KCNH7: variants seen among roughly 807,000 people sequenced by gnomAD.
The protein encoded by KCNH7 is voltage-gated inwardly rectifying potassium channel KCNH7.
In KCNH7, 49 loss-of-function variants were observed where a neutral mutation model predicts 120.8. The observed-to-expected ratio is 0.41, with a 90% confidence interval of 0.32 to 0.51. KCNH7 has a LOEUF of 0.51. Ranked by LOEUF, KCNH7 falls within the 20% of genes least tolerant of loss-of-function variation. KCNH7 has a pLI of 0.38. For missense variants in KCNH7, 1,097 were observed against 1,446.6 expected, an observed-to-expected ratio of 0.76 and a Z score of 3.92; for synonymous variants, 547 against 516.1, an observed-to-expected ratio of 1.06 and a Z score of -0.81.
At chr2:162,403,987 G>T (rs1687136202) in intron 9 of KCNH7, among the ~76,000 whole-genome samples, 1 of 151,924 alleles carries the variant, frequency 6.6e-6, no homozygotes, top group African/African-American at 2.4e-5. Flanking sequence ...ATTGGCCTCA[G>T]CTATATTGCC....
At position 162,518,510 on chromosome 2, in the gene KCNH7, A is replaced by G. The variant is rs77483474; in HGVS notation, c.464-352T>C. ...GAAGGATGAACAGAGTTTTAAGAATATATGATCTAAGGCATCATAAGTCCA... is the reference window on the plus strand; with the variant it reads ...GAAGGATGAACAGAGTTTTAAGAATGTATGATCTAAGGCATCATAAGTCCA... On this transcript the variant is annotated intron_variant, in intron 3 of 15. Transcript: ENST00000332142. Among the ~76,000 whole-genome samples, 495 of 151,962 alleles carry G rather than the reference A, an allele frequency of 3.3e-3. 4 individuals are homozygous for G. The highest frequency in any genetic ancestry group is 0.011 in the African/African-American group (458 of 41,532).
intron 2 of KCNH7, among the ~76,000 whole-genome samples, chr2:162,539,741 C>A (rs1197140628): frequency 6.6e-6 from 1 of 151,974 alleles, no homozygotes; most frequent in African/African-American, 2.4e-5. Context: ...TTCTATTAAG[C>A]AATATATTTC....
chr2:162,410,745 C>T (rs114799607), intron 9 of KCNH7, among the ~76,000 whole-genome samples: 1,691 of 151,792 alleles, frequency 0.011, 17 homozygotes, highest in South Asian at 0.022. Flanking sequence ...CTTAAGCAAA[C>T]CAACAAGCAA....
intron 2 of KCNH7, among the ~76,000 whole-genome samples, chr2:162,569,801 CA>C (rs943780229): frequency 6.8e-6 from 1 of 146,580 alleles, no homozygotes; most frequent in African/African-American, 2.6e-5. Context: ...AGTAGTCATT[CA>C]GGAGCAGGTT....
intron 2 of KCNH7, among the ~76,000 whole-genome samples, chr2:162,727,743 G>A (rs1008499518): frequency 6.6e-6 from 1 of 151,966 alleles, no homozygotes; most frequent in Admixed American, 6.5e-5. Context: ...TGAACACTTG[G>A]GCTGTTTCCA....
In KCNH7 at chr2:162,591,986, C is replaced by T. The variant is rs549677420; in HGVS notation, c.308-54906G>A. ...TAGACTTTAAATGTTGAAGTAATCA[C>T]GAAAGTCTCATGCAGAATGGATGGA... is the stretch of plus-strand genomic sequence containing the variant. On this transcript the variant is annotated intron_variant, in intron 2 of 15. Coordinates refer to ENST00000332142, the MANE Select transcript of KCNH7 (RefSeq NM_033272.4). Among the ~76,000 whole-genome samples the T allele has an allele frequency of 5.9e-5, 9 of 152,126 alleles. No homozygotes were observed. The East Asian group carries it at 9.7e-4, about 16-fold the overall frequency.
chr2:162,690,027 A>G (rs1574270050), intron 2 of KCNH7, among the ~76,000 whole-genome samples: 1 of 152,216 alleles, frequency 6.6e-6, no homozygotes, highest in Non-Finnish European at 1.5e-5. Context: ...GTACATATAC[A>G]CCATGGAATA....
At chr2:162,683,282 A>C (rs1006746088) in intron 2 of KCNH7, among the ~76,000 whole-genome samples, 3 of 151,944 alleles carry the variant, frequency 2.0e-5, no homozygotes, top group Non-Finnish European at 1.5e-5. Flanking sequence ...TCAGTAACAA[A>C]GCACAGAATT....
At chr2:162,528,565 A>G (rs1271778939) in intron 3 of KCNH7, among the ~76,000 whole-genome samples, 3 of 151,998 alleles carry the variant, frequency 2.0e-5, no homozygotes, top group Admixed American at 6.6e-5. Flanking sequence ...AGGAACCCGC[A>G]CTAAAATATG....
chr2:162,532,378 G>A (rs183100625), intron 3 of KCNH7, among the ~76,000 whole-genome samples: 1 of 151,978 alleles, frequency 6.6e-6, no homozygotes, highest in East Asian at 2.0e-4. Flanking sequence ...CCAGTTCCTG[G>A]AGAGACAATA....
At chr2:162,725,254 T>G (rs1266986276) in intron 2 of KCNH7, among the ~76,000 whole-genome samples, 4 of 152,178 alleles carry the variant, frequency 2.6e-5, no homozygotes, top group Non-Finnish European at 5.9e-5. Context: ...TTGTAACTGT[T>G]TAATAAACAG....
At chr2:162,589,289 C>T (rs6717719) in intron 2 of KCNH7, among the ~76,000 whole-genome samples, 6,612 of 151,988 alleles carry the variant, frequency 0.044, 290 homozygotes, top group East Asian at 0.11. Context: ...TGAACAAAAC[C>T]CCACTTCTGT....
intron 2 of KCNH7, among the ~76,000 whole-genome samples, chr2:162,578,499 C>A (rs926586999): frequency 6.6e-6 from 1 of 151,872 alleles, no homozygotes; most frequent in Non-Finnish European, 1.5e-5. Context: ...GCTTTGGGCT[C>A]ACTGTTCTAT....
chr2:162,743,698 C>A (rs1043532719), intron 2 of KCNH7, among the ~76,000 whole-genome samples: 3 of 151,978 alleles, frequency 2.0e-5, no homozygotes, highest in African/African-American at 7.2e-5. Flanking sequence ...AAATTGTCAA[C>A]AATGACAACA....
At chr2:162,456,129 A>ATGT (rs1356204689) in intron 6 of KCNH7, among the ~76,000 whole-genome samples, 1 of 151,986 alleles carries the variant, frequency 6.6e-6, no homozygotes, top group Non-Finnish European at 1.5e-5. Context: ...AGATTCTGGT[A>ATGT]TGTTGTCTCT....
At chr2:162,771,473 A>G (rs1271859205) in intron 2 of KCNH7, among the ~76,000 whole-genome samples, 10 of 152,078 alleles carry the variant, frequency 6.6e-5, no homozygotes, top group African/African-American at 2.4e-5. Context: ...CTCCATGTTA[A>G]GGTACACCTG....
chr2:162,621,080 C>T (rs1380005358), intron 2 of KCNH7, among the ~76,000 whole-genome samples: 1 of 151,886 alleles, frequency 6.6e-6, no homozygotes, highest in African/African-American at 2.4e-5. Flanking sequence ...TCATTTCACA[C>T]CTTCTTATGG....
chr2:162,766,418 G>A (rs926075494), intron 2 of KCNH7, among the ~76,000 whole-genome samples: 5 of 152,168 alleles, frequency 3.3e-5, no homozygotes, highest in Non-Finnish European at 7.3e-5. Context: ...CATGGCAATA[G>A]AGTCCCTTTT....
intron 2 of KCNH7, among the ~76,000 whole-genome samples, chr2:162,735,234 G>A (rs915080099): frequency 6.6e-6 from 1 of 152,132 alleles, no homozygotes; most frequent in African/African-American, 2.4e-5. Context: ...ACTCTAGTAT[G>A]AAGGCCAAGA....
Sources: allele counts gnomAD v4.1 joint callset (sites outside exome capture counted in the v4.1 genomes callset), GRCh38; gene constraint gnomAD v4.1.1; transcripts MANE v1.5; gene names NCBI Gene and HGNC (gene_info 2026-07-23, HGNC 2026-07-21).